ARHGAP24: variants seen among roughly 807,000 people sequenced by gnomAD.
ARHGAP24 encodes the protein rho GTPase-activating protein 24.
Under a neutral mutation model 76.4 loss-of-function variants are expected in ARHGAP24, and 50 were observed. The observed-to-expected ratio is 0.65, with a 90% CI of 0.52 to 0.83. The LOEUF (loss-of-function observed/expected upper bound fraction) is 0.83, where lower values mean the gene tolerates loss of function less well. Ranked by LOEUF, ARHGAP24 falls within the 40% of genes least tolerant of loss-of-function variation. The pLI, the probability that ARHGAP24 is intolerant of heterozygous loss-of-function variation, is 0.00. For synonymous variants in ARHGAP24, 345 were observed against 323.3 expected (o/e 1.07, Z -0.72); for missense variants, 930 against 914.2 (o/e 1.02, Z -0.22).
chr4:85,546,955 A>G (rs771765246), intron 1 of ARHGAP24, among the ~76,000 whole-genome samples: 6 of 152,144 alleles, frequency 3.9e-5, no homozygotes, highest in Non-Finnish European at 8.8e-5. Context: ...TTTGAAAGTG[A>G]GTTGGAGGCA....
intron 2 of ARHGAP24, among the ~76,000 whole-genome samples, chr4:85,620,710 C>T (rs1167563191): frequency 6.6e-6 from 1 of 151,504 alleles, no homozygotes; most frequent in Non-Finnish European, 1.5e-5. Context: ...AGTTGTTTTT[C>T]TTTTTCTAGT....
intron 2 of ARHGAP24, among the ~76,000 whole-genome samples, chr4:85,711,222 A>G (rs574024198): frequency 6.6e-6 from 1 of 152,194 alleles, no homozygotes; most frequent in Non-Finnish European, 1.5e-5. Context: ...GAGGGGAGCA[A>G]CAGACACTGG....
intron 2 of ARHGAP24, among the ~76,000 whole-genome samples, chr4:85,661,791 G>A (rs1411203962): frequency 7.9e-5 from 12 of 151,980 alleles, no homozygotes; most frequent in Non-Finnish European, 1.5e-4. Context: ...CCTTGTGATA[G>A]TTTACTGAGA....
Position 85,552,433 on chromosome 4 carries a change from G to A in ARHGAP24, c.-20-18089G>A, listed in dbSNP as rs536084800. Among the ~76,000 whole-genome samples the A allele has an allele frequency of 5.3e-5, 8 of 152,180 alleles. No individual in the cohort carries two copies. The South Asian group carries it at 1.2e-3, about 24-fold the overall frequency. ...TTTTTGAATTTGTTGATTGTTTTATGTCCAATTGTGTGGTTGATTGTAGAG... is the reference window on the plus strand; with the variant it reads ...TTTTTGAATTTGTTGATTGTTTTATATCCAATTGTGTGGTTGATTGTAGAG... On this transcript the variant is annotated intron_variant, in intron 1 of 9. Transcript: ENST00000395184.
intron 6 of ARHGAP24, among the ~76,000 whole-genome samples, chr4:85,974,168 AT>A (rs1295472675): frequency 2.0e-5 from 3 of 152,032 alleles, no homozygotes; most frequent in South Asian, 2.1e-4. Flanking sequence ...ACTGCTGCCT[AT>A]TTTTATAAAT....
intron 3 of ARHGAP24, among the ~76,000 whole-genome samples, chr4:85,894,563 A>G (rs150076600): frequency 4.7e-4 from 71 of 152,356 alleles, no homozygotes; most frequent in Middle Eastern, 6.8e-3. Flanking sequence ...ACTCTAAGCA[A>G]AGTTGAATCA....
At chr4:85,620,744 A>C (rs529645810) in intron 2 of ARHGAP24, among the ~76,000 whole-genome samples, 7 of 151,658 alleles carry the variant, frequency 4.6e-5, no homozygotes, top group Non-Finnish European at 8.8e-5. Context: ...ATCTTAGGTT[A>C]CTTATTTGAG....
intron 3 of ARHGAP24, among the ~76,000 whole-genome samples, chr4:85,887,722 T>C (rs1224134658): frequency 3.9e-5 from 6 of 152,218 alleles, no homozygotes. Flanking sequence ...CCAAAGCTGA[T>C]GCTTAGGTGA....
At chr4:85,701,460 T>C (rs973859339) in intron 2 of ARHGAP24, among the ~76,000 whole-genome samples, 5 of 152,146 alleles carry the variant, frequency 3.3e-5, no homozygotes, top group African/African-American at 9.7e-5. Flanking sequence ...GAGTACCCAA[T>C]ATCATCTTGT....
At chr4:85,701,127 G>T (rs1724070635) in intron 2 of ARHGAP24, among the ~76,000 whole-genome samples, 1 of 152,106 alleles carries the variant, frequency 6.6e-6, no homozygotes, top group Admixed American at 6.5e-5. Flanking sequence ...TATAGGAAAG[G>T]AGATGTGATA....
At chr4:85,565,561 C>T (rs1478364172) in intron 1 of ARHGAP24, among the ~76,000 whole-genome samples, 1 of 152,132 alleles carries the variant, frequency 6.6e-6, no homozygotes, top group East Asian at 1.9e-4. Context: ...TGATTGAAAG[C>T]ATGGAGATGT....
At chr4:85,859,292 C>T (rs1281400199) in intron 3 of ARHGAP24, among the ~76,000 whole-genome samples, 3 of 151,692 alleles carry the variant, frequency 2.0e-5, no homozygotes, top group Non-Finnish European at 2.9e-5. Context: ...TGGTTTCATT[C>T]GCTACAGAAT....
intron 1 of ARHGAP24, among the ~76,000 whole-genome samples, chr4:85,517,654 G>A (rs1051688453): frequency 3.3e-5 from 5 of 152,048 alleles, no homozygotes; most frequent in African/African-American, 1.2e-4. Flanking sequence ...ATGAACATGC[G>A]TATAAAAATA....
At chr4:85,535,420 A>T (rs368692338) in intron 1 of ARHGAP24, among the ~76,000 whole-genome samples, 1 of 152,222 alleles carries the variant, frequency 6.6e-6, no homozygotes, top group Non-Finnish European at 1.5e-5. Flanking sequence ...GGCACTTACA[A>T]TGTTATTGGT....
At chr4:85,797,374 C>T (rs986781431) in intron 3 of ARHGAP24, among the ~76,000 whole-genome samples, 2 of 152,030 alleles carry the variant, frequency 1.3e-5, no homozygotes, top group East Asian at 3.9e-4. Flanking sequence ...AGGATTTCAC[C>T]GTGTTAGCCA....
chr4:85,710,033 A>G (rs1437586859), intron 2 of ARHGAP24, among the ~76,000 whole-genome samples: 2 of 152,164 alleles, frequency 1.3e-5, no homozygotes, highest in Non-Finnish European at 2.9e-5. Flanking sequence ...ATTTATATGG[A>G]ACTAAAAAAA....
chr4:85,881,081 G>T (rs1027366016), intron 3 of ARHGAP24, among the ~76,000 whole-genome samples: 3 of 152,130 alleles, frequency 2.0e-5, no homozygotes, highest in Admixed American at 6.6e-5. Flanking sequence ...TAAAATAAGG[G>T]TTACTTGAAC....
chr4:85,622,890 G>A (rs1045213394), intron 2 of ARHGAP24, among the ~76,000 whole-genome samples: 14 of 152,096 alleles, frequency 9.2e-5, no homozygotes, highest in African/African-American at 1.4e-4. Context: ...CTGCATAAAT[G>A]TCTTCTTTTG....
intron 3 of ARHGAP24, among the ~76,000 whole-genome samples, chr4:85,741,866 A>G (rs999365567): frequency 3.3e-5 from 5 of 152,200 alleles, no homozygotes; most frequent in African/African-American, 1.2e-4. Context: ...GTTGCATTTT[A>G]CTAGAGCAGC....
Sources: allele counts gnomAD v4.1 joint callset (sites outside exome capture counted in the v4.1 genomes callset), GRCh38; gene constraint gnomAD v4.1.1; transcripts MANE v1.5; gene names NCBI Gene and HGNC (gene_info 2026-07-23, HGNC 2026-07-21).